The following ZFYVE16 variants were observed in gnomAD, a reference collection of about 807,000 sequenced individuals.
ZFYVE16 encodes the protein zinc finger FYVE-type containing 16.
A neutral mutation model predicts 138.1 loss-of-function variants in ZFYVE16; 89 were observed. The ratio of observed to expected loss-of-function variants is 0.64; its 90% CI spans 0.54 to 0.77. The LOEUF is 0.77. Among genes scored for constraint, ZFYVE16 ranks in the 30% least tolerant of loss-of-function variants. The probability of loss-of-function intolerance (pLI) is 0.00; values close to 1 mark genes in which losing one functional copy is unlikely to be tolerated. For missense variants in ZFYVE16, 1,793 were observed against 1,786.7 expected, an observed-to-expected ratio of 1.00 and a Z score of -0.06; for synonymous variants, 596 against 618.3, an observed-to-expected ratio of 0.96 and a Z score of 0.53.
At position 80,472,879 on chromosome 5, in the gene ZFYVE16, C is replaced by T. The variant is rs375413729; in HGVS notation, c.4143C>T (p.Tyr1381=). The T allele has an allele frequency of 1.6e-5, 26 of 1,613,332 alleles. No homozygotes were observed. Among genetic ancestry groups the T allele is most frequent in the Admixed American group, 5.0e-5 (3 of 59,958 alleles). The change falls in exon 16 of 19, where the codon TAC becomes TAT. Residue 1381 remains tyrosine (Y), a synonymous_variant. Transcript: ENST00000505560. ...GKVDAVDLRE[Y]VDICWVDAEE... Reference sequence around the variant, plus strand: ...TTGATGCAGTAGACCTGAGAGAATACGTGGATATCTGCTGGGTAGATGCTG... The same window carrying T: ...TTGATGCAGTAGACCTGAGAGAATATGTGGATATCTGCTGGGTAGATGCTG...
chr5:80,411,558 A>G (rs971490962), intron 1 of ZFYVE16: 5 of 152,172 alleles, frequency 3.3e-5, no homozygotes, highest in African/African-American at 4.8e-5. Flanking sequence ...GCAAAGTTTT[A>G]TCCTGAGTGG....
chr5:80,473,936 C>T, intron 17 of ZFYVE16, 77 bp downstream of exon 17: 2 of 1,044,194 alleles, frequency 1.9e-6, no homozygotes, highest in Non-Finnish European at 1.4e-6. Flanking sequence ...GCATACTCAA[C>T]CTCTAAATAT....
Position 80,434,100 on chromosome 5 carries a change from A to T in ZFYVE16, c.-39-9A>T, listed in dbSNP as rs754305562. ...TAAATGAAATATTATTATACTTTCT[A>T]TTTTTTAGGCATACAAGAATTAAAT... On this transcript the variant is annotated splice_polypyrimidine_tract_variant and intron_variant, in intron 2 of 18. Transcript: ENST00000505560. The T allele has an allele frequency of 3.9e-6, 6 of 1,538,626 alleles. No homozygotes were observed. Among genetic ancestry groups the T allele is most frequent in the Non-Finnish European group, 3.6e-6 (4 of 1,118,568 alleles).
Position 80,438,423 on chromosome 5 carries a change from A to G in ZFYVE16, c.1738A>G (p.Asn580Asp). ...DDGNINNIYF[N>D]AEAGAIGESH... ...TGGAAACATCAATAATATATATTTC[A>G]ATGCAGAAGCAGGAGCTATTGGGGA... Residue 580 changes from asparagine (N) to aspartate (D), a missense_variant, in exon 4 of 19, where the codon AAT (asparagine) becomes GAT (aspartate). Coordinates refer to ENST00000505560, the MANE Select transcript of ZFYVE16 (RefSeq NM_001284236.3). 6.2e-7 allele frequency: 1 copy of G among 1,613,928 alleles called. No individual in the cohort carries two copies. The highest frequency in any genetic ancestry group is 2.2e-5 in the East Asian group (1 of 44,870).
rs756487438 is a variant in ZFYVE16 at position 80,456,447 on chromosome 5, A to G, written c.3691-14A>G. 27 of 1,582,752 alleles carry G rather than the reference A, an allele frequency of 1.7e-5. No individual in the cohort carries two copies. Among genetic ancestry groups the G allele is most frequent in the Non-Finnish European group, 2.2e-5 (25 of 1,155,562 alleles). ...ATGGTTAGTAGTTTATGGTAATGCAATTATTCTATGTAGGACCTTCGAAAT... is the reference window on the plus strand; with the variant it reads ...ATGGTTAGTAGTTTATGGTAATGCAGTTATTCTATGTAGGACCTTCGAAAT... On this transcript the variant is annotated splice_polypyrimidine_tract_variant and intron_variant, in intron 12 of 18. Transcript: ENST00000505560.
intron 2 of ZFYVE16, among the ~76,000 whole-genome samples, chr5:80,433,384 C>T (rs1749388593): frequency 6.6e-6 from 1 of 152,040 alleles, no homozygotes; most frequent in Admixed American, 6.6e-5. Flanking sequence ...GGGAATTGAA[C>T]AATGAGAACA....
upstream of ZFYVE16, among the ~76,000 whole-genome samples, chr5:80,407,654 CT>C (rs1278682044): frequency 2.0e-5 from 3 of 152,240 alleles, no homozygotes; most frequent in Admixed American, 2.0e-4. Flanking sequence ...GCCTAGCCCG[CT>C]GCCGGGAAGG....
intron 2 of ZFYVE16, among the ~76,000 whole-genome samples, chr5:80,429,291 A>G (rs1748618446): frequency 6.6e-6 from 1 of 152,246 alleles, no homozygotes. Context: ...AGTGGGGGCC[A>G]ATATCAACAT....
At position 80,437,088 on chromosome 5, in the gene ZFYVE16, A is replaced by G. The variant is rs1187289736; in HGVS notation, c.403A>G (p.Asn135Asp). Residue 135 changes from asparagine (N) to aspartate (D), a missense_variant, in exon 4 of 19, where the codon AAC becomes GAC. This residue lies in a region of ZFYVE16 where 1,295 missense variants were observed against 1,204.3 expected (regional missense o/e 1.08). Coordinates refer to ENST00000505560, the MANE Select transcript of ZFYVE16 (RefSeq NM_001284236.3). ...CTGTGATCTGATAAGTGACATGGGT[A>G]ACTTAGTTCATGCAACCAATAGTGA... ...PICDLISDMG[N>D]LVHATNSEED... 3.1e-6 allele frequency: 5 copies of G among 1,614,146 alleles called. No homozygotes were observed. Among genetic ancestry groups the G allele is most frequent in the Non-Finnish European group, 4.2e-6 (5 of 1,179,986 alleles).
rs189314516 is a variant in ZFYVE16 at position 80,467,823 on chromosome 5, A to C, written c.4025-4938A>C. On this transcript the variant is annotated intron_variant, in intron 15 of 18. Transcript: ENST00000505560. ...TTACACTTACAAGACAAAGGGTATA[A>C]ATCAATTATTTAAAATATGTTCAGA... Among the ~76,000 whole-genome samples the C allele has an allele frequency of 2.3e-3, 358 of 152,342 alleles. 2 individuals are homozygous for C. The highest frequency in any genetic ancestry group is 8.4e-3 in the African/African-American group (351 of 41,570).
intron 17 of ZFYVE16, among the ~76,000 whole-genome samples, chr5:80,474,192 C>G (rs140852421): frequency 0.011 from 1,608 of 152,282 alleles, 12 homozygotes; most frequent in Middle Eastern, 0.044. Flanking sequence ...TCAGCATTCA[C>G]ATATGAAAGT....
At position 80,480,367 on chromosome 5, in the gene ZFYVE16, T is replaced by C. The variant is rs1174855551; in HGVS notation, c.*2990T>C. ...TGTAATAGAATGTAGCCAATTGGGGTAGTTTATAAACTGGAAGATAACTCA... is the reference window on the plus strand; with the variant it reads ...TGTAATAGAATGTAGCCAATTGGGGCAGTTTATAAACTGGAAGATAACTCA... On this transcript the variant is annotated 3_prime_UTR_variant, in exon 19 of 19. Coordinates refer to ENST00000505560, the MANE Select transcript of ZFYVE16 (RefSeq NM_001284236.3). Among the ~76,000 whole-genome samples, 4 of 152,022 alleles carry C rather than the reference T, an allele frequency of 2.6e-5. No individual in the cohort carries two copies. The East Asian group carries it at 7.7e-4, about 29-fold the overall frequency.
At position 80,408,160 on chromosome 5, in the gene ZFYVE16, G is replaced by C. The variant is rs1162167490; in HGVS notation, c.-94+7G>C. The C allele has an allele frequency of 3.9e-5, 6 of 152,296 alleles. No individual in the cohort carries two copies. The highest frequency in any genetic ancestry group is 8.8e-5 in the Non-Finnish European group (6 of 68,102). The allele number at this position is 152,296 out of a possible 1,614,324, so 9.4% of individuals were successfully genotyped here. A position where few individuals can be genotyped will look rare whatever the true frequency, so the allele number is the denominator to read the frequency against. The stretch of plus-strand genomic sequence containing the variant: ...CCGCAGGGGCTGTAGGGAGGTAAGA[G>C]CCCCCCGTGACCGGTCGTCTCGGCC... On this transcript the variant is annotated splice_region_variant and intron_variant, in intron 1 of 18. Transcript: ENST00000505560.
intron 3 of ZFYVE16, chr5:80,435,737 T>G (rs1749810385): frequency 2.3e-6 from 1 of 440,772 alleles, no homozygotes; most frequent in Non-Finnish European, 4.5e-6. Flanking sequence ...CCCGGCTAAT[T>G]TAAAAATGTG....
At chr5:80,415,957 C>T (rs145524722) in intron 1 of ZFYVE16, among the ~76,000 whole-genome samples, 4 of 152,248 alleles carry the variant, frequency 2.6e-5, no homozygotes, top group East Asian at 1.9e-4. Context: ...AGAGCCACCA[C>T]GCCCGGCCAA....
intron 2 of ZFYVE16, among the ~76,000 whole-genome samples, chr5:80,431,337 C>T (rs1467153749): frequency 6.6e-6 from 1 of 152,112 alleles, no homozygotes; most frequent in African/African-American, 2.4e-5. Flanking sequence ...AAGACAAAAA[C>T]CACATGATTA....
At chr5:80,443,687 T>G in intron 6 of ZFYVE16, 1 of 456,094 alleles carries the variant, frequency 2.2e-6, no homozygotes, top group South Asian at 1.5e-5. Context: ...CTGAAAATCA[T>G]GAGTCTAGCA....
intron 13 of ZFYVE16, 106 bp downstream of exon 13, chr5:80,456,671 A>G: frequency 1.1e-6 from 1 of 941,152 alleles, no homozygotes; most frequent in Non-Finnish European, 1.6e-6. Flanking sequence ...CTAATGTATT[A>G]TGGCAACAAA....
At position 80,443,177 on chromosome 5, in the gene ZFYVE16, A is replaced by T; in HGVS notation, c.2474A>T (p.His825Leu). 1.2e-6 allele frequency: 2 copies of T among 1,603,376 alleles called. No homozygotes were observed. The highest frequency in any genetic ancestry group is 4.5e-5 in the East Asian group (2 of 44,596). ...SPTGSNLKSN[H>L]SDECTTVQPP... Reference sequence around the variant, plus strand: ...ACTGGTTCTAATCTTAAGTCTAATCATTCTGATGAATGTACTACTGTCCAG... The same window carrying T: ...ACTGGTTCTAATCTTAAGTCTAATCTTTCTGATGAATGTACTACTGTCCAG... Residue 825 changes from histidine (H) to leucine (L), a missense_variant, in exon 6 of 19, where the codon CAT becomes CTT. By Grantham distance (99) the His-to-Leu change is moderately conservative. Coordinates refer to ENST00000505560, the MANE Select transcript of ZFYVE16 (RefSeq NM_001284236.3).
Sources: allele counts gnomAD v4.1 joint callset (sites outside exome capture counted in the v4.1 genomes callset), GRCh38; gene constraint gnomAD v4.1.1; regional missense constraint gnomAD v4.1.1; transcripts MANE v1.5; gene names NCBI Gene and HGNC (gene_info 2026-07-23, HGNC 2026-07-21).